The following CNTN1 variants were observed in gnomAD, a reference collection of about 807,000 sequenced individuals.
CNTN1 encodes contactin-1.
A neutral mutation model predicts 126.4 loss-of-function variants in CNTN1; 38 were observed. The observed-to-expected ratio is 0.30, with a 90% CI of 0.23 to 0.39. CNTN1 has a LOEUF of 0.39. Ranked by LOEUF, CNTN1 falls within the 10% of genes least tolerant of loss-of-function variation. The probability of loss-of-function intolerance (pLI) is 1.00; values close to 1 mark genes in which losing one functional copy is unlikely to be tolerated. For missense variants in CNTN1, 1,009 were observed against 1,248.4 expected, an observed-to-expected ratio of 0.81 and a Z score of 2.89; for synonymous variants, 413 against 422.6, an observed-to-expected ratio of 0.98 and a Z score of 0.28.
At chr12:40,732,163 A>G (rs752445281) in intron 1 of CNTN1, among the ~76,000 whole-genome samples, 7 of 152,054 alleles carry the variant, frequency 4.6e-5, no homozygotes, top group Non-Finnish European at 1.0e-4. Flanking sequence ...GAGCAATTTT[A>G]AGCCTATAGT....
At position 41,014,317 on chromosome 12, in the gene CNTN1, C is replaced by T; in HGVS notation, c.2184+19C>T. On this transcript the variant is annotated intron_variant, in intron 18 of 23. Transcript: ENST00000551295. Reference sequence around the variant, plus strand: ...ATGGGCGGTAAGTATTGATGAGTTGCACATATTATAGGTTGCTGTATCTAT... The same window carrying T: ...ATGGGCGGTAAGTATTGATGAGTTGTACATATTATAGGTTGCTGTATCTAT... 1 of 1,612,134 alleles carries T rather than the reference C, an allele frequency of 6.2e-7. No individual in the cohort carries two copies.
chr12:40,734,485 A>T (rs1942572765), intron 1 of CNTN1, among the ~76,000 whole-genome samples: 1 of 152,138 alleles, frequency 6.6e-6, no homozygotes, highest in Admixed American at 6.6e-5. Context: ...GGCATCGTGG[A>T]TGAAGAGCAC....
At chr12:40,760,948 A>C (rs958921676) in intron 1 of CNTN1, among the ~76,000 whole-genome samples, 3 of 152,104 alleles carry the variant, frequency 2.0e-5, no homozygotes, top group African/African-American at 7.2e-5. Flanking sequence ...GCTCCAGAAC[A>C]CTGAATTGTT....
At chr12:40,908,315 CTTCT>C in intron 1 of CNTN1, 38 bp from the exon 2 acceptor site, 4 of 719,634 alleles carry the variant, frequency 5.6e-6, no homozygotes, top group Non-Finnish European at 9.7e-6. Context: ...CCTCTCCTTC[CTTCT>C]AATTCTTTCC....
rs558460273 is a variant in CNTN1 at position 40,901,754 on chromosome 12, C to A, written c.-76-6603C>A. ...GAAGGATACTGTTTGTAATCATTTG[C>A]AGAAAAGGGGGTATTCTCCTTGTGT... On this transcript the variant is annotated intron_variant, in intron 1 of 23. Transcript: ENST00000551295. Among the ~76,000 whole-genome samples, 6 of 152,272 alleles carry A rather than the reference C, an allele frequency of 3.9e-5. No individual in the cohort carries two copies. The East Asian group carries it at 1.2e-3, about 29-fold the overall frequency.
chr12:40,900,952 C>T (rs1944580504), intron 1 of CNTN1, among the ~76,000 whole-genome samples: 2 of 152,174 alleles, frequency 1.3e-5, no homozygotes, highest in African/African-American at 2.4e-5. Flanking sequence ...CATGAAGAAT[C>T]TGTGTAGAAG....
At chr12:41,059,982 C>A (rs1326927871) in intron 23 of CNTN1, among the ~76,000 whole-genome samples, 1 of 151,846 alleles carries the variant, frequency 6.6e-6, no homozygotes, top group Non-Finnish European at 1.5e-5. Context: ...GCTGTGATCG[C>A]ATCTTTGCAC....
At chr12:41,022,460 C>G (rs1948940539) in intron 20 of CNTN1, among the ~76,000 whole-genome samples, 1 of 152,150 alleles carries the variant, frequency 6.6e-6, no homozygotes, top group African/African-American at 2.4e-5. Flanking sequence ...TTGATTTGAA[C>G]TTTGAGTTTC....
intron 1 of CNTN1, among the ~76,000 whole-genome samples, chr12:40,791,161 T>C (rs1339679714): frequency 6.6e-6 from 1 of 152,158 alleles, no homozygotes; most frequent in Non-Finnish European, 1.5e-5. Flanking sequence ...ATGCCTATGA[T>C]AGATATTTAG....
chr12:40,781,944 G>A (rs775079018), intron 1 of CNTN1, among the ~76,000 whole-genome samples: 1 of 151,978 alleles, frequency 6.6e-6, no homozygotes, highest in East Asian at 1.9e-4. Context: ...AATTTAATGG[G>A]CTCTTTCTGT....
chr12:40,840,782 A>C (rs12810195), intron 1 of CNTN1, among the ~76,000 whole-genome samples: 23,671 of 151,880 alleles, frequency 0.16, 1,849 homozygotes, highest in Middle Eastern at 0.21. Flanking sequence ...ACAAATGAAA[A>C]TAAAGACAGA....
At chr12:40,904,179 C>T (rs538670516) in intron 1 of CNTN1, among the ~76,000 whole-genome samples, 30 of 152,086 alleles carry the variant, frequency 2.0e-4, no homozygotes, top group African/African-American at 7.2e-4. Context: ...CCACCACGCA[C>T]AGCTAATTTT....
Position 40,929,730 on chromosome 12 carries a change from T to G in CNTN1, c.497-66T>G, listed in dbSNP as rs1945817046. ...ATTAAGTGATAGCTTGTTACTAGCC[T>G]CTATTAAATTATGTAACAACTTTGG... On this transcript the variant is annotated intron_variant, in intron 6 of 23. Coordinates refer to ENST00000551295, the MANE Select transcript of CNTN1 (RefSeq NM_001843.4). The G allele has an allele frequency of 1.8e-5, 21 of 1,186,022 alleles. 1 individual carries two copies. The South Asian group carries it at 2.5e-4, about 14-fold the overall frequency. The allele number at this position is 1,186,022 out of a possible 1,614,324, so 73.5% of individuals were successfully genotyped here. A position where few individuals can be genotyped will look rare whatever the true frequency, so the allele number is the denominator to read the frequency against.
chr12:40,886,261 G>C (rs1375096770), intron 1 of CNTN1, among the ~76,000 whole-genome samples: 1 of 151,982 alleles, frequency 6.6e-6, no homozygotes, highest in East Asian at 1.9e-4. Context: ...GAAGACACTG[G>C]GATAAAAAAC....
chr12:40,789,737 C>A (rs1024926074), intron 1 of CNTN1, among the ~76,000 whole-genome samples: 1 of 152,078 alleles, frequency 6.6e-6, no homozygotes, highest in African/African-American at 2.4e-5. Context: ...GAATTTTGAA[C>A]TTTTCCATGT....
intron 17 of CNTN1, among the ~76,000 whole-genome samples, chr12:41,006,981 GA>G (rs1310615613): frequency 1.4e-5 from 2 of 145,476 alleles, no homozygotes; most frequent in Non-Finnish European, 3.0e-5. Flanking sequence ...GAAGGAGAGA[GA>G]AAAACTTGGA....
intron 1 of CNTN1, among the ~76,000 whole-genome samples, chr12:40,900,192 A>G (rs1352007063): frequency 3.9e-5 from 6 of 152,196 alleles, no homozygotes; most frequent in Non-Finnish European, 8.8e-5. Context: ...AATTGGATTT[A>G]TAATTAAATT....
At chr12:40,749,140 C>A (rs944638269) in intron 1 of CNTN1, among the ~76,000 whole-genome samples, 1 of 152,012 alleles carries the variant, frequency 6.6e-6, no homozygotes, top group African/African-American at 2.4e-5. Context: ...CCCTGGAATT[C>A]TTTTTCATTT....
chr12:40,947,002 T>C (rs1946456416), intron 14 of CNTN1, among the ~76,000 whole-genome samples: 2 of 152,054 alleles, frequency 1.3e-5, no homozygotes, highest in Non-Finnish European at 2.9e-5. Flanking sequence ...AAAATGTAAC[T>C]GTACATTTTT....
Sources: allele counts gnomAD v4.1 joint callset (sites outside exome capture counted in the v4.1 genomes callset), GRCh38; gene constraint gnomAD v4.1.1; transcripts MANE v1.5; gene names NCBI Gene and HGNC (gene_info 2026-07-23, HGNC 2026-07-21).